The following PPARGC1B variants were observed in gnomAD, a reference collection of about 807,000 sequenced individuals.
PPARGC1B encodes the protein PPARG coactivator 1 beta.
A neutral mutation model predicts 101.6 loss-of-function variants in PPARGC1B; 34 were observed. That is an observed-to-expected ratio of 0.33 (90% CI 0.25 to 0.45). The LOEUF (loss-of-function observed/expected upper bound fraction) is 0.45. Among genes scored for constraint, PPARGC1B ranks in the 20% least tolerant of loss-of-function variants. PPARGC1B has a pLI of 1.00. For missense variants in PPARGC1B, 1,234 were observed against 1,317.6 expected (o/e 0.94, Z 0.98); for synonymous variants, 548 against 539.3 (o/e 1.02, Z -0.22).
At chr5:149,779,773 G>A (rs1020256583) in intron 1 of PPARGC1B, among the ~76,000 whole-genome samples, 2 of 152,150 alleles carry the variant, frequency 1.3e-5, no homozygotes, top group South Asian at 2.1e-4. Flanking sequence ...AGAGGCCTCC[G>A]GAGGTGGCAA....
chr5:149,767,526 G>C lies in PPARGC1B; in HGVS notation c.78+37106G>C, dbSNP rs190461975. On this transcript the variant is annotated intron_variant, in intron 1 of 11. Transcript: ENST00000309241. The stretch of plus-strand genomic sequence containing the variant: ...TCAGAGTAAGCAGAGTCAGATCTTA[G>C]AAGATGAGGCTGGAGCATCATTCCC... Among the ~76,000 whole-genome samples, 53 of 152,280 alleles carry C rather than the reference G, an allele frequency of 3.5e-4. 1 individual carries two copies. Among genetic ancestry groups the C allele is most frequent in the Admixed American group, 7.8e-4 (12 of 15,296 alleles).
chr5:149,790,060 C>T (rs1379577037), intron 1 of PPARGC1B, among the ~76,000 whole-genome samples: 1 of 152,188 alleles, frequency 6.6e-6, no homozygotes, highest in African/African-American at 2.4e-5. Flanking sequence ...GTTGCCTAAC[C>T]TCTCTGAACC....
intron 1 of PPARGC1B, among the ~76,000 whole-genome samples, chr5:149,736,545 T>C (rs903023199): frequency 3.9e-5 from 6 of 152,182 alleles, no homozygotes; most frequent in Non-Finnish European, 8.8e-5. Context: ...ATCGATTGGA[T>C]TGATCTTTCT....
intron 1 of PPARGC1B, among the ~76,000 whole-genome samples, chr5:149,757,725 G>A (rs901136531): frequency 1.3e-5 from 2 of 152,224 alleles, no homozygotes; most frequent in African/African-American, 4.8e-5. Flanking sequence ...TAACTGGGTT[G>A]CTTAATGAAA....
At chr5:149,783,423 C>A (rs1208825202) in intron 1 of PPARGC1B, among the ~76,000 whole-genome samples, 1 of 152,138 alleles carries the variant, frequency 6.6e-6, no homozygotes, top group African/African-American at 2.4e-5. Context: ...GTCCTTAGTT[C>A]CTCATCTGTG....
intron 1 of PPARGC1B, chr5:149,818,799 CAGT>C (rs1315755480): frequency 4.4e-6 from 2 of 455,764 alleles, no homozygotes; most frequent in Admixed American, 4.7e-5. Flanking sequence ...ATTTATTGAG[CAGT>C]TACTAGGCCG....
intron 1 of PPARGC1B, among the ~76,000 whole-genome samples, chr5:149,796,221 AG>A (rs901605115): frequency 6.6e-6 from 1 of 152,040 alleles, no homozygotes; most frequent in Non-Finnish European, 1.5e-5. Flanking sequence ...TCGGTGGAGT[AG>A]GGGGGGCCTG....
rs140560621 is a variant in PPARGC1B at position 149,837,336 on chromosome 5, A to C, written c.2618+263A>C. On this transcript the variant is annotated intron_variant, in intron 8 of 11. Coordinates refer to ENST00000309241, the MANE Select transcript of PPARGC1B (RefSeq NM_133263.4). This position sits in a 1 kb window ranked among gnomAD's most constrained non-coding sequence, Gnocchi z 4.2. ...TGGCCTCCAGAAAGAAAGAAAACCC[A>C]CTCCTGGCTATTTGTGGGCTTACGT... Among the ~76,000 whole-genome samples, 220 of 151,564 alleles carry C rather than the reference A, an allele frequency of 1.5e-3. No individual in the cohort carries two copies. Among genetic ancestry groups the C allele is most frequent in the African/African-American group, 5.0e-3 (207 of 41,236 alleles).
chr5:149,739,255 G>A (rs897658225), intron 1 of PPARGC1B, among the ~76,000 whole-genome samples: 9 of 152,186 alleles, frequency 5.9e-5, no homozygotes, highest in African/African-American at 7.2e-5. Flanking sequence ...TGTACAAGAC[G>A]TCATTTCATC....
At chr5:149,753,003 A>C (rs192074102) in intron 1 of PPARGC1B, among the ~76,000 whole-genome samples, 7 of 152,208 alleles carry the variant, frequency 4.6e-5, no homozygotes, top group Non-Finnish European at 8.8e-5. Flanking sequence ...AACATCGCAT[A>C]TATGTGGTCT....
chr5:149,733,246 T>C (rs1754569935), intron 1 of PPARGC1B, among the ~76,000 whole-genome samples: 1 of 152,198 alleles, frequency 6.6e-6, no homozygotes, highest in Admixed American at 6.5e-5. Context: ...AGACTTAACT[T>C]TTACCCATTG....
chr5:149,756,992 C>T (rs1241464655), intron 1 of PPARGC1B, among the ~76,000 whole-genome samples: 1 of 152,172 alleles, frequency 6.6e-6, no homozygotes, highest in Admixed American at 6.5e-5. Context: ...GGGGATACAG[C>T]GGTGAGCCCC....
At chr5:149,740,096 A>G (rs1484872579) in intron 1 of PPARGC1B, 1 of 152,256 alleles carries the variant, frequency 6.6e-6, no homozygotes, top group Admixed American at 6.5e-5. Flanking sequence ...ACTGTCCCCA[A>G]AGGCCTGTGA....
chr5:149,735,907 C>T (rs112902435), intron 1 of PPARGC1B, among the ~76,000 whole-genome samples: 5,547 of 152,276 alleles, frequency 0.036, 162 homozygotes, highest in Non-Finnish European at 0.06. Flanking sequence ...GGGCAGATCA[C>T]GAGGCCAGGA....
Position 149,836,312 on chromosome 5 carries a change from C to G in PPARGC1B, c.1857C>G (p.Pro619=). Residue 619 remains proline, a synonymous_variant, in exon 8 of 12, where the codon CCC becomes CCG. Transcript: ENST00000309241. ...CGTACAAGCCCACAGAGGAGGATCC[C>G]TTCAAACCAGACATCAAGCATAGTC... ...TPPYKPTEED[P]FKPDIKHSLG... is the part of the protein sequence containing the mutation. 6.2e-7 allele frequency: 1 copy of G among 1,612,332 alleles called. No individual in the cohort carries two copies. Among genetic ancestry groups the G allele is most frequent in the Non-Finnish European group, 8.5e-7 (1 of 1,179,252 alleles).
intron 1 of PPARGC1B, among the ~76,000 whole-genome samples, chr5:149,753,945 C>T (rs1200604085): frequency 1.4e-4 from 22 of 152,320 alleles, no homozygotes; most frequent in Admixed American, 1.0e-3. Context: ...CCGCCTACCT[C>T]GGCCTCCCAA....
At chr5:149,839,601 T>G (rs1759250422) in intron 8 of PPARGC1B, among the ~76,000 whole-genome samples, 1 of 152,242 alleles carries the variant, frequency 6.6e-6, no homozygotes, top group Admixed American at 6.5e-5. Flanking sequence ...CTAACTTCTC[T>G]GCTTTCTGGC....
chr5:149,806,608 CT>C (rs10534197), intron 1 of PPARGC1B, among the ~76,000 whole-genome samples: 2,944 of 146,966 alleles, frequency 0.02, 90 homozygotes, highest in African/African-American at 0.069. Context: ...GTCTCTGGGA[CT>C]TTTTTTTTTT....
intron 1 of PPARGC1B, among the ~76,000 whole-genome samples, chr5:149,749,353 G>C (rs1245460276): frequency 6.6e-6 from 1 of 152,216 alleles, no homozygotes; most frequent in African/African-American, 2.4e-5. Context: ...GATGTGAAGT[G>C]ACTTACCCGC....
Sources: gnomAD v4.1 joint callset for allele counts (sites outside exome capture counted in the v4.1 genomes callset) on GRCh38, gnomAD v4.1.1 for gene constraint, Gnocchi (gnomAD v3.1) non-coding constraint, MANE v1.5 for transcripts, NCBI Gene and HGNC (gene_info 2026-07-23, HGNC 2026-07-21) for gene names.